The following EPHA6 variants were observed in gnomAD, a reference collection of about 807,000 sequenced individuals.
EPHA6 encodes ephrin type-A receptor 6.
Under a neutral mutation model 112.0 loss-of-function variants are expected in EPHA6, and 50 were observed. The ratio of observed to expected loss-of-function variants is 0.45; its 90% CI spans 0.36 to 0.56. The LOEUF (loss-of-function observed/expected upper bound fraction) is 0.56. EPHA6 is among the 20% of genes least tolerant of loss of function. The pLI, the probability that EPHA6 is intolerant of heterozygous loss-of-function variation, is 0.00. For missense variants in EPHA6, 1,280 were observed against 1,417.4 expected, an observed-to-expected ratio of 0.90 and a Z score of 1.56; for synonymous variants, 529 against 490.7, an observed-to-expected ratio of 1.08 and a Z score of -1.03.
At position 97,012,605 on chromosome 3, in the gene EPHA6, G is replaced by GTA. The variant is rs1273603174; in HGVS notation, c.1114+24613_1114+24614insAT. Among the ~76,000 whole-genome samples the GTA allele has an allele frequency of 8.5e-3, 1,184 of 139,786 alleles. 13 individuals are homozygous for GTA. The highest frequency in any genetic ancestry group is 0.027 in the African/African-American group (945 of 34,952). 91.7% of individuals were successfully genotyped at this position (139,786 alleles called of 152,430 possible). Reference sequence around the variant, plus strand: ...TATATATGTGTGTGTGTGTGTGTGTGTGTATATATATATATATGTATTTTT... The same window carrying GTA: ...TATATATGTGTGTGTGTGTGTGTGTGTATGTATATATATATATATGTATTTTT... On this transcript the variant is annotated intron_variant, in intron 3 of 17. Coordinates refer to ENST00000389672, the MANE Select transcript of EPHA6 (RefSeq NM_001080448.3).
chr3:97,268,404 A>G (rs1386160925), intron 5 of EPHA6, among the ~76,000 whole-genome samples: 1 of 152,190 alleles, frequency 6.6e-6, no homozygotes, highest in Non-Finnish European at 1.5e-5. Context: ...GCCTGTCACA[A>G]TAATCTTTAG....
intron 10 of EPHA6, among the ~76,000 whole-genome samples, chr3:97,488,305 T>A (rs1434741485): frequency 6.6e-6 from 1 of 152,200 alleles, no homozygotes; most frequent in Non-Finnish European, 1.5e-5. Flanking sequence ...GTCCAGGAAG[T>A]TTTAACTGTT....
chr3:96,835,975 A>G (rs114164364), intron 1 of EPHA6, among the ~76,000 whole-genome samples: 2,047 of 152,178 alleles, frequency 0.013, 46 homozygotes, highest in African/African-American at 0.044. Context: ...ATCAATGATG[A>G]TTATTTTTCA....
At chr3:97,369,424 T>A (rs773198460) in intron 5 of EPHA6, among the ~76,000 whole-genome samples, 1 of 152,156 alleles carries the variant, frequency 6.6e-6, no homozygotes, top group African/African-American at 2.4e-5. Flanking sequence ...TTAGTAGACC[T>A]GACAGGATTT....
At position 97,747,509 on chromosome 3, in the gene EPHA6, A is replaced by T. The variant is rs201362978; in HGVS notation, c.3215A>T (p.Tyr1072Phe). The change falls in exon 17 of 18, where the codon TAC becomes TTC. Residue 1072 changes from tyrosine to phenylalanine, a missense_variant. By Grantham distance (22) the Tyr-to-Phe change is conservative (BLOSUM62 3). Coordinates refer to ENST00000389672, the MANE Select transcript of EPHA6 (RefSeq NM_001080448.3). ...DWLDSIKMGQ[Y>F]KNNFVAAGFT... is the part of the protein sequence containing the mutation. ...CTAGATTCTATAAAGATGGGGCAATACAAGAATAACTTCGTGGCAGCAGGG... is the reference window on the plus strand; with the variant it reads ...CTAGATTCTATAAAGATGGGGCAATTCAAGAATAACTTCGTGGCAGCAGGG... The T allele has an allele frequency of 6.2e-7, 1 of 1,611,020 alleles. No individual in the cohort carries two copies. Among genetic ancestry groups the T allele is most frequent in the Admixed American group, 1.7e-5 (1 of 59,694 alleles).
At chr3:97,564,850 C>T (rs367698646) in intron 11 of EPHA6, among the ~76,000 whole-genome samples, 2 of 151,904 alleles carry the variant, frequency 1.3e-5, no homozygotes, top group Admixed American at 6.6e-5. Flanking sequence ...AATCAGAGGT[C>T]GTAAGAGAAT....
At chr3:97,224,034 A>C (rs1682543727) in intron 3 of EPHA6, among the ~76,000 whole-genome samples, 1 of 152,136 alleles carries the variant, frequency 6.6e-6, no homozygotes, top group Admixed American at 6.5e-5. Flanking sequence ...ACTTCGAGAA[A>C]AAAAAAATTT....
chr3:97,506,443 C>A (rs2107574408), intron 10 of EPHA6, among the ~76,000 whole-genome samples: 1 of 152,258 alleles, frequency 6.6e-6, no homozygotes, highest in African/African-American at 2.4e-5. Flanking sequence ...ATAGGAAATC[C>A]TTTCCCCATT....
chr3:97,423,274 G>C (rs982528812), intron 6 of EPHA6, among the ~76,000 whole-genome samples: 2 of 152,032 alleles, frequency 1.3e-5, no homozygotes, highest in African/African-American at 2.4e-5. Flanking sequence ...TTGCCCAAAA[G>C]CTCCTAGATC....
At chr3:97,390,754 T>C (rs573773602) in intron 5 of EPHA6, among the ~76,000 whole-genome samples, 78 of 152,160 alleles carry the variant, frequency 5.1e-4, no homozygotes, top group Admixed American at 1.6e-3. Flanking sequence ...TCAAGAGTTA[T>C]TAAACTGTAT....
chr3:97,525,178 C>CT (rs974380833), intron 10 of EPHA6, among the ~76,000 whole-genome samples: 182 of 152,138 alleles, frequency 1.2e-3, no homozygotes, highest in African/African-American at 4.2e-3. Context: ...TTTCTTCACT[C>CT]TTTTTTGATC....
At chr3:97,307,933 C>A (rs747498406) in intron 5 of EPHA6, among the ~76,000 whole-genome samples, 1 of 151,694 alleles carries the variant, frequency 6.6e-6, no homozygotes, top group Non-Finnish European at 1.5e-5. Flanking sequence ...ATAAACTCAG[C>A]ATTTCCAAAA....
At chr3:97,515,994 G>A (rs371397478) in intron 10 of EPHA6, among the ~76,000 whole-genome samples, 1 of 151,104 alleles carries the variant, frequency 6.6e-6, no homozygotes, top group African/African-American at 2.4e-5. Flanking sequence ...CTGCTTCCTG[G>A]CCTAGACCTT....
At chr3:97,350,093 T>A (rs9860557) in intron 5 of EPHA6, among the ~76,000 whole-genome samples, 1 of 152,010 alleles carries the variant, frequency 6.6e-6, no homozygotes, top group East Asian at 1.9e-4. Flanking sequence ...AGACATAGCA[T>A]TGGAGAAAGA....
intron 2 of EPHA6, among the ~76,000 whole-genome samples, chr3:96,951,168 T>C (rs979830561): frequency 6.6e-6 from 1 of 152,126 alleles, no homozygotes; most frequent in Non-Finnish European, 1.5e-5. Flanking sequence ...GCATGGTCAG[T>C]AATATTCTGC....
chr3:96,934,911 T>A (rs1576085505), intron 2 of EPHA6, among the ~76,000 whole-genome samples: 1 of 150,966 alleles, frequency 6.6e-6, no homozygotes, highest in East Asian at 1.9e-4. Context: ...TATAAAATTA[T>A]CTTCTCCATT....
chr3:97,465,966 TG>T (rs377741298), intron 7 of EPHA6, among the ~76,000 whole-genome samples: 1 of 150,534 alleles, frequency 6.6e-6, no homozygotes, highest in African/African-American at 2.5e-5. Context: ...TCTGCCCATT[TG>T]TTTTTTTTTC....
intron 5 of EPHA6, among the ~76,000 whole-genome samples, chr3:97,249,534 G>A (rs745955922): frequency 2.0e-5 from 3 of 152,066 alleles, no homozygotes; most frequent in Admixed American, 6.5e-5. Context: ...TTAGAAATTC[G>A]TTTGCAGAGA....
rs534702920 is a variant in EPHA6, at chr3:97,097,764, A to G, written c.1114+109771A>G. Among the ~76,000 whole-genome samples, 311 of 152,012 alleles carry G rather than the reference A, an allele frequency of 2.0e-3. 2 individuals are homozygous for G. The highest frequency in any genetic ancestry group is 6.9e-3 in the African/African-American group (285 of 41,552). Reference sequence around the variant, plus strand: ...GTAATTGATGAAATAACAAAATTTAATGCTAAGAAATGCTTCCTGGTATTT... The same window carrying G: ...GTAATTGATGAAATAACAAAATTTAGTGCTAAGAAATGCTTCCTGGTATTT... On this transcript the variant is annotated intron_variant, in intron 3 of 17. Transcript: ENST00000389672.
Sources: gnomAD v4.1 joint callset for allele counts (sites outside exome capture counted in the v4.1 genomes callset) on GRCh38, gnomAD v4.1.1 for gene constraint, MANE v1.5 for transcripts, NCBI Gene and HGNC (gene_info 2026-07-23, HGNC 2026-07-21) for gene names.